Variants in CRTAM observed in about 807,000 individuals in gnomAD.
The protein encoded by CRTAM is cytotoxic and regulatory T cell molecule.
A neutral mutation model predicts 50.0 loss-of-function variants in CRTAM; 44 were observed. The ratio of observed to expected loss-of-function variants is 0.88; its 90% CI spans 0.69 to 1.13. The LOEUF (loss-of-function observed/expected upper bound fraction) is 1.13, where lower values mean the gene tolerates loss of function less well. Ranked by LOEUF, CRTAM falls within the 50% of genes most tolerant of loss-of-function variation. The pLI, the probability that CRTAM is intolerant of heterozygous loss-of-function variation, is 0.00. For missense variants in CRTAM, 448 were observed against 457.5 expected, an observed-to-expected ratio of 0.98 and a Z score of 0.19; for synonymous variants, 159 against 169.3, an observed-to-expected ratio of 0.94 and a Z score of 0.47.
intron 6 of CRTAM, among the ~76,000 whole-genome samples, chr11:122,863,351 A>AAGAAAGAAAGAAAGAAAG (rs1244147699): frequency 2.4e-3 from 145 of 60,714 alleles, no homozygotes; most frequent in African/African-American, 5.4e-3. Flanking sequence ...GAAAGAAAGA[A>AAGAAAGAAAGAAAGAAAG]AAAGAAAGAA....
chr11:122,867,293 A>C, intron 7 of CRTAM, 116 bp from the exon 8 acceptor site: 1 of 873,060 alleles, frequency 1.1e-6, no homozygotes, highest in Non-Finnish European at 1.7e-6. Flanking sequence ...TCATCTCTTC[A>C]TCTGAGCTGT....
intron 7 of CRTAM, 43 bp from the exon 8 acceptor site, chr11:122,867,366 A>C (rs1295250929): frequency 1.3e-6 from 2 of 1,568,266 alleles, no homozygotes; most frequent in East Asian, 2.2e-5. Context: ...AAAAAAAAAA[A>C]AAAACCCAAA....
intron 2 of CRTAM, 69 bp downstream of exon 2, chr11:122,850,283 T>C (rs1327055646): frequency 1.4e-6 from 2 of 1,468,248 alleles, no homozygotes; most frequent in Non-Finnish European, 1.8e-6. Context: ...CCGGACAGTT[T>C]GGTGGGACAG....
Position 122,855,275 on chromosome 11 carries a change from C to T in CRTAM, c.491-420C>T, listed in dbSNP as rs6589956. ...CAACATTCTTAGAGTTGCAAAGGACCCTTTACAGTTGAGAACACTGAGGGC... is the reference window on the plus strand; with the variant it reads ...CAACATTCTTAGAGTTGCAAAGGACTCTTTACAGTTGAGAACACTGAGGGC... On this transcript the variant is annotated intron_variant, in intron 4 of 9. Transcript: ENST00000227348. Among the ~76,000 whole-genome samples, 1,106 of 152,136 alleles carry T rather than the reference C, an allele frequency of 7.3e-3. 13 individuals carry two copies. Among genetic ancestry groups the T allele is most frequent in the African/African-American group, 0.026 (1,059 of 41,518 alleles).
At chr11:122,857,508 T>A (rs964204768) in intron 5 of CRTAM, among the ~76,000 whole-genome samples, 1 of 152,232 alleles carries the variant, frequency 6.6e-6, no homozygotes, top group African/African-American at 2.4e-5. Context: ...AATTTTTATT[T>A]GTGATCTATT....
Position 122,871,962 on chromosome 11 carries a change from C to T in CRTAM, c.*563C>T, listed in dbSNP as rs1263124792. Reference sequence around the variant, plus strand: ...CCAGCCTGGCCAACATAGTGAAACCCCGTCTCTACTAAAAATGCAAAAATT... The same window carrying T: ...CCAGCCTGGCCAACATAGTGAAACCTCGTCTCTACTAAAAATGCAAAAATT... On this transcript the variant is annotated 3_prime_UTR_variant, in exon 10 of 10. Transcript: ENST00000227348. 1 of 152,016 alleles carries T rather than the reference C, an allele frequency of 6.6e-6. No individual in the cohort carries two copies. The highest frequency in any genetic ancestry group is 1.5e-5 in the Non-Finnish European group (1 of 68,102). 9.4% of individuals were successfully genotyped at this position (152,016 alleles called of 1,614,324 possible).
chr11:122,841,098 A>G (rs1470850329), intron 1 of CRTAM, among the ~76,000 whole-genome samples: 1 of 152,224 alleles, frequency 6.6e-6, no homozygotes, highest in Non-Finnish European at 1.5e-5. Flanking sequence ...ATGTTGAGAC[A>G]GCTTCTTTAA....
At chr11:122,858,387 T>A (rs919150427) in intron 5 of CRTAM, among the ~76,000 whole-genome samples, 2 of 152,006 alleles carry the variant, frequency 1.3e-5, no homozygotes, top group African/African-American at 4.8e-5. Context: ...CACCACGCCC[T>A]GCTAATTTTC....
intron 5 of CRTAM, among the ~76,000 whole-genome samples, chr11:122,861,563 G>A (rs1591355316): frequency 6.7e-6 from 1 of 149,652 alleles, no homozygotes. Flanking sequence ...AGCCTCCCAA[G>A]TAGCTGGGAT....
At chr11:122,854,750 T>A (rs1320847629) in intron 4 of CRTAM, among the ~76,000 whole-genome samples, 2 of 151,816 alleles carry the variant, frequency 1.3e-5, no homozygotes, top group African/African-American at 4.8e-5. Flanking sequence ...ATAATACATA[T>A]AATTGGAACA....
At chr11:122,857,245 G>C (rs1043145006) in intron 5 of CRTAM, among the ~76,000 whole-genome samples, 5 of 152,146 alleles carry the variant, frequency 3.3e-5, no homozygotes, top group Admixed American at 2.6e-4. Flanking sequence ...GAGGCGGGCA[G>C]ATCACCTGAG....
intron 5 of CRTAM, among the ~76,000 whole-genome samples, chr11:122,861,643 G>T (rs535568180): frequency 1.3e-5 from 2 of 151,722 alleles, no homozygotes; most frequent in African/African-American, 4.8e-5. Flanking sequence ...GTTTCACCAT[G>T]TTGACCAGGC....
intron 5 of CRTAM, among the ~76,000 whole-genome samples, chr11:122,857,245 G>A (rs1043145006): frequency 6.6e-6 from 1 of 152,146 alleles, no homozygotes; most frequent in South Asian, 2.1e-4. Context: ...GAGGCGGGCA[G>A]ATCACCTGAG....
chr11:122,858,682 C>G (rs960763221), intron 5 of CRTAM, among the ~76,000 whole-genome samples: 1 of 152,064 alleles, frequency 6.6e-6, no homozygotes, highest in African/African-American at 2.4e-5. Context: ...GGTGCACACA[C>G]CACACCTGGT....
rs1265242519 is a variant in CRTAM at position 122,868,109 on chromosome 11, C to A, written c.1051+10C>A. ...GAGAAAAATGGCCAATGTAAGTCAA[C>A]TGTATGACCTGAGATCTGAACAATG... On this transcript the variant is annotated intron_variant, in intron 9 of 9. Coordinates refer to ENST00000227348, the MANE Select transcript of CRTAM (RefSeq NM_019604.4). The A allele has an allele frequency of 1.3e-6, 2 of 1,525,196 alleles. No individual in the cohort carries two copies. The highest frequency in any genetic ancestry group is 1.8e-6 in the Non-Finnish European group (2 of 1,100,288). The allele number at this position is 1,525,196 out of a possible 1,614,324, so 94.5% of individuals were successfully genotyped here. A position where few individuals can be genotyped will look rare whatever the true frequency, so the allele number is the denominator to read the frequency against.
Position 122,846,620 on chromosome 11 carries a change from C to CTCTG in CRTAM, c.47-3428_47-3425dup, listed in dbSNP as rs68036211. The stretch of plus-strand genomic sequence containing the variant: ...TTATTATTTCACAGAGTTCTAACAC[C>CTCTG]TCTGTCTGTCTGTCTGTCTGTCTCT... On this transcript the variant is annotated intron_variant, in intron 1 of 9. Coordinates refer to ENST00000227348, the MANE Select transcript of CRTAM (RefSeq NM_019604.4). Among the ~76,000 whole-genome samples the CTCTG allele has an allele frequency of 3.5e-3, 528 of 151,990 alleles. 5 individuals are homozygous for CTCTG. The highest frequency in any genetic ancestry group is 0.012 in the African/African-American group (480 of 41,406).
intron 9 of CRTAM, among the ~76,000 whole-genome samples, chr11:122,868,718 A>G (rs1056569015): frequency 3.3e-5 from 5 of 152,296 alleles, no homozygotes; most frequent in Admixed American, 2.6e-4. Context: ...TCGCCTTTAA[A>G]AAGAAGGAGG....
At chr11:122,867,216 T>C (rs1862187854) in intron 7 of CRTAM, among the ~76,000 whole-genome samples, 193 bp from the exon 8 acceptor site, 1 of 152,196 alleles carries the variant, frequency 6.6e-6, no homozygotes, top group Non-Finnish European at 1.5e-5. Context: ...GTTTGTTGTA[T>C]GCCTGTTTGC....
chr11:122,863,272 A>AAAGG (rs1555042388), intron 6 of CRTAM, among the ~76,000 whole-genome samples: 1 of 140,646 alleles, frequency 7.1e-6, no homozygotes, highest in Non-Finnish European at 1.5e-5. Flanking sequence ...GAAAGAAAGA[A>AAAGG]AAAGAAAGAA....
Sources: allele counts gnomAD v4.1 joint callset (sites outside exome capture counted in the v4.1 genomes callset), GRCh38; gene constraint gnomAD v4.1.1; transcripts MANE v1.5; gene names NCBI Gene and HGNC (gene_info 2026-07-23, HGNC 2026-07-21).